The following PDSS2 variants were observed in gnomAD, a reference collection of about 807,000 sequenced individuals.
The protein encoded by PDSS2 is all trans-polyprenyl-diphosphate synthase PDSS2.
Under a neutral mutation model 44.5 loss-of-function variants are expected in PDSS2, and 31 were observed. The ratio of observed to expected loss-of-function variants is 0.70; its 90% confidence interval spans 0.52 to 0.94. PDSS2 has a LOEUF of 0.94. PDSS2 is among the 40% of genes least tolerant of loss of function. PDSS2 has a pLI of 0.00. For missense variants in PDSS2, 452 were observed against 482.2 expected (o/e 0.94, Z 0.59); for synonymous variants, 157 against 180.3 (o/e 0.87, Z 1.03).
chr6:107,354,403 G>A (rs1778530483), intron 1 of PDSS2, among the ~76,000 whole-genome samples: 2 of 152,190 alleles, frequency 1.3e-5, no homozygotes, highest in African/African-American at 4.8e-5. Flanking sequence ...ATAAAGCAAA[G>A]GGCAAAATTG....
intron 1 of PDSS2, among the ~76,000 whole-genome samples, chr6:107,350,760 T>C (rs1251550840): frequency 1.3e-5 from 2 of 151,966 alleles, no homozygotes; most frequent in Non-Finnish European, 2.9e-5. Context: ...CAGTGAGCTA[T>C]GATCACACCA....
chr6:107,195,453 A>C (rs1012559199), intron 6 of PDSS2, among the ~76,000 whole-genome samples: 3 of 141,600 alleles, frequency 2.1e-5, no homozygotes, highest in Non-Finnish European at 3.0e-5. Flanking sequence ...CTACACTCCA[A>C]CCTGGGTGAC....
At chr6:107,208,609 C>CT (rs74772386) in intron 6 of PDSS2, among the ~76,000 whole-genome samples, 3,802 of 132,126 alleles carry the variant, frequency 0.029, 168 homozygotes, top group African/African-American at 0.094. Flanking sequence ...TGGCCTGTGA[C>CT]TTTTTTTTTT....
intron 2 of PDSS2, among the ~76,000 whole-genome samples, chr6:107,318,064 A>T (rs918916243): frequency 1.8e-4 from 27 of 152,190 alleles, no homozygotes; most frequent in Admixed American, 5.9e-4. Context: ...ATTGGCAGTT[A>T]CAAGTGTATC....
intron 1 of PDSS2, among the ~76,000 whole-genome samples, chr6:107,375,272 A>G (rs1779251552): frequency 6.6e-6 from 1 of 152,128 alleles, no homozygotes; most frequent in Admixed American, 6.5e-5. Context: ...AAAACAAAAG[A>G]GAAAACCAAT....
chr6:107,179,577 C>A (rs1269239763), intron 7 of PDSS2, among the ~76,000 whole-genome samples: 3 of 152,074 alleles, frequency 2.0e-5, no homozygotes, highest in African/African-American at 7.2e-5. Context: ...TAGCTAAGAT[C>A]TTTCATCAAG....
At chr6:107,380,005 C>G (rs900441407) in intron 1 of PDSS2, among the ~76,000 whole-genome samples, 1 of 150,564 alleles carries the variant, frequency 6.6e-6, no homozygotes, top group Non-Finnish European at 1.5e-5. Context: ...AATATTTTTT[C>G]TTCTGTACTA....
At position 107,218,891 on chromosome 6, in the gene PDSS2, C is replaced by T. The variant is rs139494290; in HGVS notation, c.703-6609G>A. 9.5e-3 allele frequency among the ~76,000 whole-genome samples: 1,440 copies of T among 152,144 alleles called. 26 individuals are homozygous for T. Among genetic ancestry groups the T allele is most frequent in the African/African-American group, 0.032 (1,331 of 41,514 alleles). On this transcript the variant is annotated intron_variant, in intron 4 of 7. Transcript: ENST00000369037. ...TGGCCAACATGGTGAAACTTTGTCT[C>T]TACTAAAAATGCAAACATTAGCTGG...
chr6:107,388,447 A>ATTTTTTTTT (rs147100917), intron 1 of PDSS2, among the ~76,000 whole-genome samples: 1 of 137,272 alleles, frequency 7.3e-6, no homozygotes, highest in African/African-American at 2.7e-5. Context: ...GTGCATGTGA[A>ATTTTTTTTT]TTTTTTTTTT....
At chr6:107,261,578 CT>C (rs36106088) in intron 3 of PDSS2, among the ~76,000 whole-genome samples, 514 of 112,790 alleles carry the variant, frequency 4.6e-3, no homozygotes, top group Non-Finnish European at 6.1e-3. Flanking sequence ...TCTTTTCTTT[CT>C]TTTTTTTTTT....
intron 2 of PDSS2, among the ~76,000 whole-genome samples, chr6:107,278,092 G>C (rs910040109): frequency 6.6e-6 from 1 of 151,706 alleles, no homozygotes; most frequent in African/African-American, 2.4e-5. Flanking sequence ...ACAATTAAAA[G>C]AACAAATTGG....
chr6:107,211,985 C>T, intron 5 of PDSS2, 124 bp downstream of exon 5: 1 of 801,920 alleles, frequency 1.2e-6, no homozygotes, highest in South Asian at 1.4e-5. Context: ...CCAGGACTGA[C>T]AGATTTGAAC....
At chr6:107,216,576 A>G (rs1773419930) in intron 4 of PDSS2, among the ~76,000 whole-genome samples, 1 of 152,220 alleles carries the variant, frequency 6.6e-6, no homozygotes, top group Non-Finnish European at 1.5e-5. Flanking sequence ...ATGTTAAAAT[A>G]CTATTGCAGG....
At chr6:107,451,950 T>C (rs562495784) in intron 1 of PDSS2, among the ~76,000 whole-genome samples, 23 of 152,252 alleles carry the variant, frequency 1.5e-4, no homozygotes, top group Non-Finnish European at 2.9e-4. Context: ...GCTAATAATG[T>C]TGAACATCTT....
intron 2 of PDSS2, among the ~76,000 whole-genome samples, chr6:107,291,164 GTCAT>G (rs1776333196): frequency 6.6e-6 from 1 of 151,960 alleles, no homozygotes; most frequent in Non-Finnish European, 1.5e-5. Flanking sequence ...AGTCCTAAGA[GTCAT>G]TCAATTTAAG....
intron 1 of PDSS2, among the ~76,000 whole-genome samples, chr6:107,347,310 T>C (rs1461286173): frequency 1.4e-5 from 2 of 141,834 alleles, no homozygotes; most frequent in African/African-American, 5.3e-5. Flanking sequence ...TTGCCTAGGC[T>C]GGAGTGCAGT....
chr6:107,288,823 G>A lies in PDSS2; in HGVS notation c.432-14596C>T, dbSNP rs1014928846. Among the ~76,000 whole-genome samples the A allele has an allele frequency of 2.2e-5, 3 of 137,182 alleles. No individual in the cohort carries two copies. In the Admixed American group the frequency reaches 2.4e-4, roughly 11 times the overall value. The allele number at this position is 137,182 out of a possible 152,430, so 90.0% of individuals were successfully genotyped here. On this transcript the variant is annotated intron_variant, in intron 2 of 7. Transcript: ENST00000369037. ...CGCCCAGGCTGGAGTGCAGTGGTAC[G>A]ATCTCGGCTCACTGCAACCTCCGCC...
At chr6:107,192,976 G>T in intron 7 of PDSS2, among the ~76,000 whole-genome samples, 1 of 152,090 alleles carries the variant, frequency 6.6e-6, no homozygotes, top group Non-Finnish European at 1.5e-5. Context: ...CCCTGTCTTT[G>T]GAGTGCAGGT....
intron 3 of PDSS2, among the ~76,000 whole-genome samples, chr6:107,263,179 G>A (rs1191947802): frequency 6.6e-6 from 1 of 151,480 alleles, no homozygotes; most frequent in Non-Finnish European, 1.5e-5. Flanking sequence ...TTGGCCAGGC[G>A]CGGTGGCTTA....
Sources: gnomAD v4.1 joint callset for allele counts (sites outside exome capture counted in the v4.1 genomes callset) on GRCh38, gnomAD v4.1.1 for gene constraint, MANE v1.5 for transcripts, NCBI Gene and HGNC (gene_info 2026-07-23, HGNC 2026-07-21) for gene names.